The following MYLK variants were observed in gnomAD, a reference collection of about 807,000 sequenced individuals.
The protein encoded by MYLK is myosin light chain kinase, smooth muscle.
In MYLK, 106 loss-of-function variants were observed where a neutral mutation model predicts 203.4. The ratio of observed to expected loss-of-function variants is 0.52; its 90% confidence interval spans 0.45 to 0.61. The LOEUF is 0.61. MYLK is among the 20% of genes least tolerant of loss of function. The pLI is 0.00. For synonymous variants in MYLK, 867 were observed against 959.5 expected (o/e 0.90, Z 1.78); for missense variants, 2,072 against 2,442.3 (o/e 0.85, Z 3.20).
intron 11 of MYLK, among the ~76,000 whole-genome samples, chr3:123,731,938 G>T (rs1203794266): frequency 1.3e-5 from 2 of 150,126 alleles, no homozygotes; most frequent in African/African-American, 4.9e-5. Context: ...AAAAATTATT[G>T]TAATTGTTGA....
At chr3:123,779,670 GAGA>G (rs2064217840) in intron 4 of MYLK, among the ~76,000 whole-genome samples, 2 of 152,236 alleles carry the variant, frequency 1.3e-5, no homozygotes, top group South Asian at 2.1e-4. Context: ...CACCACATGA[GAGA>G]AGAACAAGTG....
Position 123,708,675 on chromosome 3 carries a change from C to T in MYLK, c.2140+23G>A, listed in dbSNP as rs368103561. On this transcript the variant is annotated intron_variant, in intron 15 of 33. Coordinates refer to ENST00000360304, the MANE Select transcript of MYLK (RefSeq NM_053025.4). ...GCTGCAGCAGCATCTCCTTCCCACT[C>T]GCTCTGAGTGGGTCAGCCTCACCTT... 165 of 1,613,720 alleles carry T rather than the reference C, an allele frequency of 1.0e-4. No homozygotes were observed. The African/African-American group carries it at 1.2e-3, about 12-fold the overall frequency.
chr3:123,877,057 ACTCATT>A (rs2148721495), intron 1 of MYLK, among the ~76,000 whole-genome samples: 1 of 152,342 alleles, frequency 6.6e-6, no homozygotes, highest in African/African-American at 2.4e-5. Flanking sequence ...TAGGAACTTA[ACTCATT>A]CCCTGAACAA....
chr3:123,738,035 C>T (rs1383284281), intron 7 of MYLK, among the ~76,000 whole-genome samples: 1 of 152,082 alleles, frequency 6.6e-6, no homozygotes, highest in Admixed American at 6.5e-5. Context: ...CCACTGCCTC[C>T]CTGCCCGCCC....
chr3:123,790,773 T>C (rs1007122291), intron 4 of MYLK, among the ~76,000 whole-genome samples: 1 of 152,220 alleles, frequency 6.6e-6, no homozygotes, highest in Non-Finnish European at 1.5e-5. Flanking sequence ...ACATCTGTGG[T>C]GTCCACTTTG....
At chr3:123,813,504 G>GTCTC (rs376497859) in intron 3 of MYLK, among the ~76,000 whole-genome samples, 25,386 of 150,382 alleles carry the variant, frequency 0.17, 2,654 homozygotes, top group Non-Finnish European at 0.24. Flanking sequence ...TTAATTCACT[G>GTCTC]TCTCTCTCTC....
chr3:123,709,071 G>C, intron 14 of MYLK, 176 bp from the exon 15 acceptor site: 1 of 562,426 alleles, frequency 1.8e-6, no homozygotes, highest in Non-Finnish European at 3.1e-6. Context: ...TTTGTTGGGA[G>C]GACCTTAAAA....
intron 20 of MYLK, among the ~76,000 whole-genome samples, chr3:123,669,893 G>T (rs546504028): frequency 6.6e-6 from 1 of 151,904 alleles, no homozygotes; most frequent in African/African-American, 2.4e-5. Flanking sequence ...AAATTAGCCA[G>T]GTGTGGTGGT....
intron 20 of MYLK, among the ~76,000 whole-genome samples, chr3:123,674,205 C>T (rs1179068125): frequency 2.0e-5 from 3 of 152,152 alleles, no homozygotes; most frequent in African/African-American, 7.2e-5. Flanking sequence ...AGGCCCCCTC[C>T]CTGCCCATAT....
intron 32 of MYLK, 57 bp from the exon 33 acceptor site, chr3:123,618,827 T>A (rs779093082): frequency 7.5e-6 from 12 of 1,610,084 alleles, no homozygotes; most frequent in Admixed American, 5.0e-5. Flanking sequence ...TCGCCTCGCC[T>A]CTAGCTTAAA....
At chr3:123,784,447 T>C (rs183219159) in intron 4 of MYLK, among the ~76,000 whole-genome samples, 8 of 150,940 alleles carry the variant, frequency 5.3e-5, no homozygotes. Flanking sequence ...AAACCTGTTA[T>C]TTGATCCATC....
At chr3:123,650,057 C>T (rs561254737) in intron 24 of MYLK, among the ~76,000 whole-genome samples, 38 of 152,230 alleles carry the variant, frequency 2.5e-4, no homozygotes, top group African/African-American at 5.8e-4. Flanking sequence ...AGGGGTTCCC[C>T]GGAACAGGGG....
intron 1 of MYLK, among the ~76,000 whole-genome samples, chr3:123,880,868 T>A (rs957990812): frequency 7.2e-5 from 11 of 152,208 alleles, no homozygotes; most frequent in Admixed American, 1.3e-4. Context: ...GTAAATTTCA[T>A]GGGGGCTGCA....
intron 16 of MYLK, among the ~76,000 whole-genome samples, chr3:123,702,781 A>G (rs1242882617): frequency 6.6e-6 from 1 of 152,194 alleles, no homozygotes; most frequent in Admixed American, 6.5e-5. Context: ...TTGAGCTCGC[A>G]CGTTTGACAC....
chr3:123,797,325 T>C lies in MYLK; in HGVS notation c.-3-3481A>G, dbSNP rs114290864. 5.5e-3 allele frequency among the ~76,000 whole-genome samples: 836 copies of C among 152,282 alleles called. 1 individual carries two copies. Among genetic ancestry groups the C allele is most frequent in the Non-Finnish European group, 8.8e-3 (601 of 68,028 alleles). On this transcript the variant is annotated intron_variant, in intron 3 of 33. Coordinates refer to ENST00000360304, the MANE Select transcript of MYLK (RefSeq NM_053025.4). ...AATTTTAATGGCGAGCATCAAGATA[T>C]ATTCATTCACTCAATTAAAATATAT...
rs748988850 is a variant in MYLK, at chr3:123,735,434, G to C, written c.755-18C>G. On this transcript the variant is annotated intron_variant, in intron 8 of 33. Transcript: ENST00000360304. Reference sequence around the variant, plus strand: ...GTCCAAACCTGGAAAAAGGGGGAAGGGTGGAAAGACTGTTAGTAGAATGCT... The same window carrying C: ...GTCCAAACCTGGAAAAAGGGGGAAGCGTGGAAAGACTGTTAGTAGAATGCT... The C allele has an allele frequency of 5.0e-6, 8 of 1,613,874 alleles. No individual in the cohort carries two copies. The highest frequency in any genetic ancestry group is 2.2e-5 in the East Asian group (1 of 44,896).
chr3:123,683,369 A>G lies in MYLK; in HGVS notation c.3566-1059T>C, dbSNP rs571146172. ...TTGGCTGGGGAGGAAGTGCCCTCTC[A>G]TGGTCCGCCTCCAGGACTGGCAGTC... On this transcript the variant is annotated intron_variant, in intron 19 of 33. Transcript: ENST00000360304. Among the ~76,000 whole-genome samples the G allele has an allele frequency of 2.9e-4, 44 of 151,948 alleles. No homozygotes were observed. The South Asian group carries it at 5.2e-3, about 18-fold the overall frequency.
intron 2 of MYLK, among the ~76,000 whole-genome samples, chr3:123,876,136 G>A (rs2033136606): frequency 1.3e-5 from 2 of 151,652 alleles, no homozygotes; most frequent in Admixed American, 6.6e-5. Context: ...TAGGACTACA[G>A]ATGTAAAAAA....
intron 4 of MYLK, among the ~76,000 whole-genome samples, chr3:123,792,899 G>C (rs1309050513): frequency 3.9e-5 from 6 of 152,140 alleles, no homozygotes; most frequent in African/African-American, 4.8e-5. Flanking sequence ...ATGCAATTCA[G>C]TACAGCCCCA....
Sources: allele counts gnomAD v4.1 joint callset (sites outside exome capture counted in the v4.1 genomes callset), GRCh38; gene constraint gnomAD v4.1.1; transcripts MANE v1.5; gene names NCBI Gene and HGNC (gene_info 2026-07-23, HGNC 2026-07-21).